Variants in SAMD9 observed in about 807,000 individuals in gnomAD.
SAMD9 encodes the protein sterile alpha motif domain-containing protein 9.
SAMD9 carries 3 observed loss-of-function variants against 1.5 expected under a neutral mutation model. The ratio of observed to expected loss-of-function variants is 2.05; its 90% CI spans 0.93 to 5.29. The LOEUF (loss-of-function observed/expected upper bound fraction) is 5.29. Ranked by LOEUF, SAMD9 falls within the 30% of genes most tolerant of loss-of-function variation. The pLI is 0.02. For missense variants in SAMD9, 1,597 were observed against 1,820.8 expected, an observed-to-expected ratio of 0.88 and a Z score of 2.24; for synonymous variants, 635 against 631.9, an observed-to-expected ratio of 1.00 and a Z score of -0.07.
chr7:93,104,850 T>C lies in SAMD9; in HGVS notation c.1248A>G (p.Val416=), dbSNP rs1187058560. 1.2e-6 allele frequency: 2 copies of C among 1,613,662 alleles called. No individual in the cohort carries two copies. Among genetic ancestry groups the C allele is most frequent in the Non-Finnish European group, 1.7e-6 (2 of 1,179,812 alleles). ...DNSYYEQYIL[V]TNKCHPDQTK... ...TTTGATCTGGGTGGCATTTATTTGT[T>C]ACAAGAATGTACTGTTCATAGTATG... Residue 416 remains valine, a synonymous_variant, in exon 3 of 3, where the codon GTA becomes GTG. Coordinates refer to ENST00000379958, the MANE Select transcript of SAMD9 (RefSeq NM_017654.4).
Position 93,100,042 on chromosome 7 carries a change from T to C in SAMD9, c.*1286A>G, listed in dbSNP as rs1437585232. The C allele has an allele frequency of 6.6e-6, 1 of 152,160 alleles. No homozygotes were observed. The highest frequency in any genetic ancestry group is 2.4e-5 in the African/African-American group (1 of 41,466). 9.4% of individuals were successfully genotyped at this position (152,160 alleles called of 1,614,324 possible). On this transcript the variant is annotated 3_prime_UTR_variant, in exon 3 of 3. Transcript: ENST00000379958. ...TTTGCTCAAATTAGGATCTAAAGTC[T>C]ATATGTTGCCCTTTAGTTGTTAAGT...
At chr7:93,107,533 AC>A (rs1791666684) in intron 2 of SAMD9, among the ~76,000 whole-genome samples, 2 of 152,336 alleles carry the variant, frequency 1.3e-5, no homozygotes, top group East Asian at 3.9e-4. Flanking sequence ...AAATTGTGAG[AC>A]ATTTTAATGA....
intron 2 of SAMD9, among the ~76,000 whole-genome samples, chr7:93,108,634 C>T (rs1296463582): frequency 6.6e-6 from 1 of 152,206 alleles, no homozygotes; most frequent in Non-Finnish European, 1.5e-5. Context: ...TCTTAGCAAA[C>T]AGCACACCAG....
Position 93,102,010 on chromosome 7 carries a change from T to G in SAMD9, c.4088A>C (p.Lys1363Thr), listed in dbSNP as rs780189191. Residue 1363 changes from lysine to threonine, a missense_variant, in exon 3 of 3, where the codon AAA becomes ACA. Physicochemically the swap from Lys to Thr is moderately conservative, Grantham distance 78. Around this residue, in one of 6 missense-constraint regions of SAMD9, gnomAD observed 682 missense variants for 810.0 expected, o/e 0.84. Coordinates refer to ENST00000379958, the MANE Select transcript of SAMD9 (RefSeq NM_017654.4). ...AAAAGTATATTCGTTCACTATACAT[T>G]TCATAGTGCTTATAGCATCCTCTTG... ...KSQEDAISTMKCIVNEYTFLL... is the reference protein window; with the variant it reads ...KSQEDAISTMTCIVNEYTFLL... 8 of 1,613,646 alleles carry G rather than the reference T, an allele frequency of 5.0e-6. No homozygotes were observed. Among genetic ancestry groups the G allele is most frequent in the Non-Finnish European group, 6.8e-6 (8 of 1,179,738 alleles).
In SAMD9 at chr7:93,103,182, G is replaced by C; in HGVS notation, c.2916C>G (p.Val972=). 1 of 1,613,768 alleles carries C rather than the reference G, an allele frequency of 6.2e-7. No individual in the cohort carries two copies. Among genetic ancestry groups the C allele is most frequent in the East Asian group, 2.2e-5 (1 of 44,874 alleles). The change falls in exon 3 of 3, where the codon GTC becomes GTG. Residue 972 remains valine, a synonymous_variant. Coordinates refer to ENST00000379958, the MANE Select transcript of SAMD9 (RefSeq NM_017654.4). ...TYSTILIKTE[V]IECGNYCGVR... ...CTCCACAGTAGTTCCCACATTCGAT[G>C]ACCTCTGTTTTTATCAGAATTGTAG...
rs776932219 is a variant in SAMD9, at chr7:93,101,769, A to G, written c.4329T>C (p.Asn1443=). The G allele has an allele frequency of 5.6e-6, 9 of 1,613,572 alleles. No individual in the cohort carries two copies. The Admixed American group carries it at 1.0e-4, about 18-fold the overall frequency. The part of the protein sequence containing the change: ...FLASLLFWPE[N]QQLDQHSEQM... ...GTTCAGAATGTTGATCTAGTTGTTG[A>G]TTTTCTGGCCAGAATAAGAGGGAAG... is the stretch of plus-strand genomic sequence containing the variant. Residue 1443 remains asparagine (N), a synonymous_variant, in exon 3 of 3, where the codon AAT becomes AAC. Transcript: ENST00000379958.
chr7:93,107,673 G>T (rs762759111), intron 2 of SAMD9, among the ~76,000 whole-genome samples: 2 of 152,088 alleles, frequency 1.3e-5, no homozygotes, highest in Non-Finnish European at 2.9e-5. Context: ...TTTTCTAGTG[G>T]CAGATACAAA....
chr7:93,105,052 G>C lies in SAMD9; in HGVS notation c.1046C>G (p.Ser349Cys). 2.5e-6 allele frequency: 4 copies of C among 1,613,784 alleles called. No homozygotes were observed. Among genetic ancestry groups the C allele is most frequent in the Non-Finnish European group, 3.4e-6 (4 of 1,179,936 alleles). The change falls in exon 3 of 3, where the codon TCT becomes TGT. Residue 349 changes from serine to cysteine, a missense_variant. By Grantham distance (112) the Ser-to-Cys change is moderately radical (BLOSUM62 -1). This residue lies in a region of SAMD9 where 498 missense variants were observed against 457.4 expected (regional missense o/e 1.09). Coordinates refer to ENST00000379958, the MANE Select transcript of SAMD9 (RefSeq NM_017654.4). ...AACTTTATTTTTCGTAATGTCCTTA[G>C]AGCTGGTCCCATCTCGCACAAATAG... ...FSLFVRDGTS[S>C]KDITKNKVDF...
In SAMD9 at chr7:93,101,638, T is replaced by C. The variant is rs556478940; in HGVS notation, c.4460A>G (p.Lys1487Arg). 4.1e-5 allele frequency: 66 copies of C among 1,613,894 alleles called. No homozygotes were observed. The Middle Eastern group carries it at 6.6e-4, about 16-fold the overall frequency. The stretch of plus-strand genomic sequence containing the variant: ...TTTGTGAACAAGTCTTTCCAGTCTT[T>C]TACCTTTTCCAAGAAAGAAATATGC... ...PIAYFFLGKG[K>R]RLERLVHKGK... Residue 1487 changes from lysine to arginine, a missense_variant, in exon 3 of 3, where the codon AAA (lysine) becomes AGA (arginine). Transcript: ENST00000379958.
rs777603864 is a variant in SAMD9 at position 93,105,204 on chromosome 7, A to G, written c.894T>C (p.Thr298=). The G allele has an allele frequency of 6.2e-6, 10 of 1,613,782 alleles. No homozygotes were observed. The Admixed American group carries it at 8.3e-5, about 13-fold the overall frequency. The change falls in exon 3 of 3, where the codon ACT becomes ACC. Residue 298 remains threonine (T), a synonymous_variant. Coordinates refer to ENST00000379958, the MANE Select transcript of SAMD9 (RefSeq NM_017654.4). ...CTTCAATAACAAATCTGTCAGATAG[A>G]GTACTATTTGGCAGTAAAACTTCCA... ...RFVEVLLPNS[T]LSDRFVIEVD... is the part of the protein sequence containing the mutation.
At position 93,102,284 on chromosome 7, in the gene SAMD9, C is replaced by G; in HGVS notation, c.3814G>C (p.Asp1272His). The G allele has an allele frequency of 6.2e-7, 1 of 1,611,856 alleles. No individual in the cohort carries two copies. The highest frequency in any genetic ancestry group is 8.5e-7 in the Non-Finnish European group (1 of 1,178,440). ...FSLKKSFDFF[D>H]EYFVLLKPRN... ...GGTTTTAGCAGGACAAAGTATTCATCAAAAAAATCAAAGGACTTTTTCAAA... is the reference window on the plus strand; with the variant it reads ...GGTTTTAGCAGGACAAAGTATTCATGAAAAAAATCAAAGGACTTTTTCAAA... Residue 1272 changes from aspartate (D) to histidine (H), a missense_variant, in exon 3 of 3, where the codon GAT becomes CAT. Physicochemically the swap from Asp to His is moderately conservative, Grantham distance 81 (BLOSUM62 -1). Transcript: ENST00000379958.
Position 93,104,440 on chromosome 7 carries a change from C to T in SAMD9, c.1658G>A (p.Arg553Lys). 6.2e-7 allele frequency: 1 copy of T among 1,613,968 alleles called. No homozygotes were observed. Among genetic ancestry groups the T allele is most frequent in the South Asian group, 1.1e-5 (1 of 91,072 alleles). ...FLLLSSVDDP[R>K]DPLIETFCAF... ...ACAGAAAGTCTCAATGAGGGGATCTCTTGGGTCATCCACAGAGGACAGTAA... is the reference window on the plus strand; with the variant it reads ...ACAGAAAGTCTCAATGAGGGGATCTTTTGGGTCATCCACAGAGGACAGTAA... The change falls in exon 3 of 3, where the codon AGA (arginine) becomes AAA (lysine). Residue 553 changes from arginine (R) to lysine (K), a missense_variant. Arg to Lys is a conservative substitution (Grantham distance 26). Around this residue, in one of 6 missense-constraint regions of SAMD9, gnomAD observed 358 missense variants for 460.4 expected, o/e 0.78. Transcript: ENST00000379958.
chr7:93,101,766 T>C lies in SAMD9; in HGVS notation c.4332A>G (p.Gln1444=). 1.2e-6 allele frequency: 2 copies of C among 1,613,872 alleles called. No individual in the cohort carries two copies. The highest frequency in any genetic ancestry group is 3.3e-5 in the Admixed American group (2 of 60,004). ...LASLLFWPEN[Q]QLDQHSEQMK... is the part of the protein sequence containing the mutation. The stretch of plus-strand genomic sequence containing the variant: ...TTTGTTCAGAATGTTGATCTAGTTG[T>C]TGATTTTCTGGCCAGAATAAGAGGG... Residue 1444 remains glutamine (Q), a synonymous_variant, in exon 3 of 3, where the codon CAA becomes CAG. Coordinates refer to ENST00000379958, the MANE Select transcript of SAMD9 (RefSeq NM_017654.4).
chr7:93,113,467 C>G, intron 2 of SAMD9, among the ~76,000 whole-genome samples: 1 of 152,176 alleles, frequency 6.6e-6, no homozygotes. Context: ...TCTAGTTAAA[C>G]TAAAGCACTT....
intron 1 of SAMD9, among the ~76,000 whole-genome samples, chr7:93,115,181 A>G (rs1562780009): frequency 6.6e-6 from 1 of 152,254 alleles, no homozygotes; most frequent in African/African-American, 2.4e-5. Context: ...TTACAACAAG[A>G]TAATACTACA....
In SAMD9 at chr7:93,100,571, T is replaced by G. The variant is rs1049684866; in HGVS notation, c.*757A>C. ...GGTTGTATGTTAATCTGCCAGTACATTGGCATCTTCTGGATGAGGGACTCA... is the reference window on the plus strand; with the variant it reads ...GGTTGTATGTTAATCTGCCAGTACAGTGGCATCTTCTGGATGAGGGACTCA... On this transcript the variant is annotated 3_prime_UTR_variant, in exon 3 of 3. Coordinates refer to ENST00000379958, the MANE Select transcript of SAMD9 (RefSeq NM_017654.4). The G allele has an allele frequency of 2.0e-5, 3 of 152,182 alleles. No individual in the cohort carries two copies. In the South Asian group the frequency reaches 6.2e-4, roughly 32 times the overall value. The allele number at this position is 152,182 out of a possible 1,614,324, so 9.4% of individuals were successfully genotyped here.
Position 93,103,170 on chromosome 7 carries a change from C to T in SAMD9, c.2928G>A (p.Gly976=). The T allele has an allele frequency of 6.2e-7, 1 of 1,613,832 alleles. No homozygotes were observed. The highest frequency in any genetic ancestry group is 1.3e-5 in the African/African-American group (1 of 75,014). The change falls in exon 3 of 3, where the codon GGG becomes GGA. Residue 976 remains glycine (G), a synonymous_variant. Transcript: ENST00000379958. Reference sequence around the variant, plus strand: ...GAATGATGCGTACTCCACAGTAGTTCCCACATTCGATGACCTCTGTTTTTA... The same window carrying T: ...GAATGATGCGTACTCCACAGTAGTTTCCACATTCGATGACCTCTGTTTTTA... ...ILIKTEVIEC[G]NYCGVRIIHS... is the part of the protein sequence containing the mutation.
chr7:93,114,478 C>G (rs561454661), intron 2 of SAMD9, among the ~76,000 whole-genome samples: 2 of 152,006 alleles, frequency 1.3e-5, no homozygotes, highest in South Asian at 4.1e-4. Flanking sequence ...GACTGAAAAT[C>G]ATGAACCTAA....
At position 93,103,914 on chromosome 7, in the gene SAMD9, T is replaced by C. The variant is rs745724268; in HGVS notation, c.2184A>G (p.Thr728=). 5.0e-6 allele frequency: 8 copies of C among 1,613,830 alleles called. No individual in the cohort carries two copies. The highest frequency in any genetic ancestry group is 6.8e-6 in the Non-Finnish European group (8 of 1,179,850). Residue 728 remains threonine, a synonymous_variant, in exon 3 of 3, where the codon ACA becomes ACG. Transcript: ENST00000379958. ...GATACAGATGAATAATTTTGGTACT[T>C]GTTGGTTTAGAAGAATCTGCACAGT... ...IQNCADSSKP[T]STKIIHLYHH... is the part of the protein sequence containing the mutation.
Sources: allele counts gnomAD v4.1 joint callset (sites outside exome capture counted in the v4.1 genomes callset), GRCh38; gene constraint gnomAD v4.1.1; regional missense constraint gnomAD v4.1.1; transcripts MANE v1.5; gene names NCBI Gene and HGNC (gene_info 2026-07-23, HGNC 2026-07-21).